Variants in FRAS1 observed in about 807,000 individuals in gnomAD.
The protein encoded by FRAS1 is extracellular matrix organizing protein FRAS1.
Under a neutral mutation model 435.2 loss-of-function variants are expected in FRAS1, and 290 were observed. The ratio of observed to expected loss-of-function variants is 0.67; its 90% confidence interval spans 0.61 to 0.73. The LOEUF (loss-of-function observed/expected upper bound fraction) is 0.73, where lower values mean the gene tolerates loss of function less well. Among genes scored for constraint, FRAS1 ranks in the 30% least tolerant of loss-of-function variants. The pLI, the probability that FRAS1 is intolerant of heterozygous loss-of-function variation, is 0.00. For synonymous variants in FRAS1, 1,800 were observed against 1,851.0 expected (o/e 0.97, Z 0.71); for missense variants, 4,860 against 5,001.5 (o/e 0.97, Z 0.85).
intron 9 of FRAS1, among the ~76,000 whole-genome samples, chr4:78,269,754 G>A (rs1726558757): frequency 1.3e-5 from 2 of 152,192 alleles, no homozygotes; most frequent in Admixed American, 6.5e-5. Flanking sequence ...ATTTAATGAT[G>A]TCTTTGAACC....
intron 2 of FRAS1, among the ~76,000 whole-genome samples, chr4:78,210,860 G>A (rs1411535852): frequency 6.6e-6 from 1 of 152,198 alleles, no homozygotes; most frequent in Non-Finnish European, 1.5e-5. Flanking sequence ...AGGTGGCAGT[G>A]CCTCCAAAGA....
chr4:78,298,224 G>T (rs1167032388), intron 14 of FRAS1, among the ~76,000 whole-genome samples: 1 of 148,944 alleles, frequency 6.7e-6, no homozygotes, highest in Non-Finnish European at 1.5e-5. Flanking sequence ...AATATAAGGT[G>T]TATTAAACAT....
chr4:78,409,068 A>G (rs1319043737), intron 31 of FRAS1, among the ~76,000 whole-genome samples: 1 of 147,832 alleles, frequency 6.8e-6, no homozygotes, highest in Non-Finnish European at 1.5e-5. Flanking sequence ...GCACTGAGCC[A>G]TGATCACGCC....
chr4:78,188,294 T>C (rs1722368304), intron 2 of FRAS1, among the ~76,000 whole-genome samples: 1 of 11,078 alleles, frequency 9.0e-5, no homozygotes, highest in East Asian at 0.25. Context: ...TCTATCTATC[T>C]ATCTATCTAT....
chr4:78,104,767 T>C (rs1742304527), intron 2 of FRAS1, among the ~76,000 whole-genome samples: 1 of 152,176 alleles, frequency 6.6e-6, no homozygotes, highest in Non-Finnish European at 1.5e-5. Context: ...TTCAACTGAA[T>C]GGGGGAGAAG....
At chr4:78,368,632 C>T (rs187243720) in intron 22 of FRAS1, among the ~76,000 whole-genome samples, 110 of 152,002 alleles carry the variant, frequency 7.2e-4, no homozygotes, top group Non-Finnish European at 9.6e-4. Context: ...AGTTTGCAGC[C>T]TAAAAGATAC....
chr4:78,508,533 T>TAGA (rs1384942983), intron 62 of FRAS1, among the ~76,000 whole-genome samples, 198 bp from the exon 63 acceptor site: 3 of 152,190 alleles, frequency 2.0e-5, no homozygotes, highest in Non-Finnish European at 4.4e-5. Flanking sequence ...GCCCAACCAG[T>TAGA]AGAAGAATCT....
At chr4:78,390,618 A>G (rs1284518468) in intron 29 of FRAS1, among the ~76,000 whole-genome samples, 1 of 152,234 alleles carries the variant, frequency 6.6e-6, no homozygotes, top group East Asian at 1.9e-4. Context: ...AGCCTTCTGT[A>G]ATCTTTCCTC....
chr4:78,203,829 A>T (rs551499688), intron 2 of FRAS1, among the ~76,000 whole-genome samples: 2 of 152,314 alleles, frequency 1.3e-5, no homozygotes, highest in South Asian at 4.1e-4. Context: ...CGGGCTCCCA[A>T]AGTGCTGGGA....
intron 14 of FRAS1, among the ~76,000 whole-genome samples, chr4:78,290,386 A>G (rs1489549214): frequency 2.0e-5 from 3 of 152,020 alleles, no homozygotes; most frequent in Non-Finnish European, 2.9e-5. Context: ...GCCTGGCCCC[A>G]GTGGTTAAGA....
intron 2 of FRAS1, among the ~76,000 whole-genome samples, chr4:78,220,655 C>T (rs1490636286): frequency 6.6e-6 from 1 of 152,104 alleles, no homozygotes; most frequent in Non-Finnish European, 1.5e-5. Flanking sequence ...ATTAATAGAA[C>T]AATCAAAGCA....
intron 42 of FRAS1, chr4:78,446,058 C>G (rs532274930): frequency 8.6e-7 from 1 of 1,161,474 alleles, no homozygotes; most frequent in South Asian, 4.2e-5. Flanking sequence ...TGCATATTTG[C>G]CTTTTCTTAT....
intron 55 of FRAS1, among the ~76,000 whole-genome samples, chr4:78,478,269 G>A (rs1358434881): frequency 1.3e-5 from 2 of 152,160 alleles, no homozygotes; most frequent in Non-Finnish European, 2.9e-5. Context: ...AGTTCAAGTT[G>A]TTAGAGCTCC....
chr4:78,500,396 G>A (rs1720639600), intron 61 of FRAS1, among the ~76,000 whole-genome samples: 1 of 152,158 alleles, frequency 6.6e-6, no homozygotes, highest in South Asian at 2.1e-4. Flanking sequence ...ATGAGTTTGG[G>A]AAAAGAGAGA....
intron 14 of FRAS1, among the ~76,000 whole-genome samples, chr4:78,302,485 G>A (rs200523215): frequency 6.6e-6 from 1 of 151,928 alleles, no homozygotes; most frequent in Admixed American, 6.5e-5. Flanking sequence ...GTGTAAAAGT[G>A]TTCCTGTTTC....
intron 2 of FRAS1, among the ~76,000 whole-genome samples, chr4:78,095,619 C>T (rs570298649): frequency 6.5e-4 from 99 of 152,294 alleles, no homozygotes; most frequent in African/African-American, 1.8e-3. Flanking sequence ...ACAATCATGG[C>T]GGAAGCCAAG....
rs1397713182 is a variant in FRAS1, at chr4:78,259,906, G to A, written c.603+4531G>A. Among the ~76,000 whole-genome samples, 609 of 152,186 alleles carry A rather than the reference G, an allele frequency of 4.0e-3. 2 individuals are homozygous for A. The highest frequency in any genetic ancestry group is 6.2e-3 in the South Asian group (30 of 4,812). Reference sequence around the variant, plus strand: ...TGTATAAGGTGTAAGGAAGGGATCCGATTTCAGCTTTCTACCTATGGCTAG... The same window carrying A: ...TGTATAAGGTGTAAGGAAGGGATCCAATTTCAGCTTTCTACCTATGGCTAG... On this transcript the variant is annotated intron_variant, in intron 6 of 73. Transcript: ENST00000512123.
intron 2 of FRAS1, among the ~76,000 whole-genome samples, chr4:78,098,608 C>T (rs1270802327): frequency 6.6e-6 from 1 of 152,100 alleles, no homozygotes; most frequent in Non-Finnish European, 1.5e-5. Context: ...GGCACCAGAT[C>T]CACCAAGGTG....
At chr4:78,358,458 T>G (rs1730948505) in intron 20 of FRAS1, among the ~76,000 whole-genome samples, 1 of 152,196 alleles carries the variant, frequency 6.6e-6, no homozygotes, top group Non-Finnish European at 1.5e-5. Flanking sequence ...GTGGTTAAAA[T>G]GTTATGCTCT....
Sources: gnomAD v4.1 joint callset for allele counts (sites outside exome capture counted in the v4.1 genomes callset) on GRCh38, gnomAD v4.1.1 for gene constraint, MANE v1.5 for transcripts, NCBI Gene and HGNC (gene_info 2026-07-23, HGNC 2026-07-21) for gene names.